The following RDH13 variants were observed in gnomAD, a reference collection of about 807,000 sequenced individuals.
RDH13 encodes the protein retinol dehydrogenase 13.
In RDH13, 35 loss-of-function variants were observed where a neutral mutation model predicts 28.3. The ratio of observed to expected loss-of-function variants is 1.24; its 90% confidence interval spans 0.95 to 1.64. The LOEUF is 1.64. Ranked by LOEUF, RDH13 falls within the 40% of genes most tolerant of loss-of-function variation. The pLI, the probability that RDH13 is intolerant of heterozygous loss-of-function variation, is 0.00. For missense variants in RDH13, 514 were observed against 446.3 expected, an observed-to-expected ratio of 1.15 and a Z score of -1.37; for synonymous variants, 229 against 198.5, an observed-to-expected ratio of 1.15 and a Z score of -1.29.
At chr19:55,064,654 C>T (rs1034031115), upstream of RDH13, among the ~76,000 whole-genome samples, 7 of 151,140 alleles carry the variant, frequency 4.6e-5, no homozygotes, top group East Asian at 2.0e-4. Flanking sequence ...CACTGTGTCA[C>T]CCAGGCTGGA....
downstream of RDH13, chr19:55,041,307 AAAATC>A (rs1329812564): frequency 6.6e-6 from 1 of 152,170 alleles, no homozygotes; most frequent in Non-Finnish European, 1.5e-5. Flanking sequence ...AGATACATAA[AAAATC>A]AAATGCAACA....
At chr19:55,056,473 T>TAAAG (rs1301938591) in intron 3 of RDH13, among the ~76,000 whole-genome samples, 180 bp downstream of exon 3, 4 of 150,770 alleles carry the variant, frequency 2.7e-5, no homozygotes, top group Non-Finnish European at 5.9e-5. Context: ...ACAGTAGTAA[T>TAAAG]AAATAAATAA....
upstream of RDH13, among the ~76,000 whole-genome samples, chr19:55,066,088 A>G (rs2075954048): frequency 1.3e-5 from 2 of 152,244 alleles, no homozygotes; most frequent in Non-Finnish European, 2.9e-5. Flanking sequence ...AGTAAGTGCC[A>G]GAACATTGCT....
At chr19:55,054,131 C>G (rs1390102418) in intron 3 of RDH13, among the ~76,000 whole-genome samples, 1 of 152,190 alleles carries the variant, frequency 6.6e-6, no homozygotes, top group Non-Finnish European at 1.5e-5. Flanking sequence ...AAGGACAGCT[C>G]TGGTTCATCT....
intron 1 of RDH13, among the ~76,000 whole-genome samples, chr19:55,059,778 G>C (rs994300513): frequency 2.6e-5 from 4 of 152,190 alleles, no homozygotes; most frequent in African/African-American, 4.8e-5. Context: ...CCTGTACTTT[G>C]AACAATTGCT....
rs2075278383 is a variant in RDH13, at chr19:55,047,500, A to T, written c.659-12T>A. 6.3e-7 allele frequency: 1 copy of T among 1,599,398 alleles called. No homozygotes were observed. ...AGTCACACCAGAGCCTGGGGAAGAA[A>T]GAAAGAGAAGACTGAGGGAGGGGTC... On this transcript the variant is annotated splice_polypyrimidine_tract_variant and intron_variant, in intron 5 of 6. Coordinates refer to ENST00000415061, the MANE Select transcript of RDH13 (RefSeq NM_001145971.2).
At chr19:55,058,118 C>T (rs1362838150) in intron 2 of RDH13, among the ~76,000 whole-genome samples, 1 of 151,890 alleles carries the variant, frequency 6.6e-6, no homozygotes, top group African/African-American at 2.4e-5. Flanking sequence ...GTATTAAAAA[C>T]ATTTATGGCT....
intron 3 of RDH13, among the ~76,000 whole-genome samples, chr19:55,056,373 G>A (rs943967900): frequency 2.0e-5 from 3 of 152,084 alleles, no homozygotes; most frequent in East Asian, 1.9e-4. Flanking sequence ...TGAGGTCCGC[G>A]CTTGAACCCA....
intron 3 of RDH13, among the ~76,000 whole-genome samples, chr19:55,051,533 C>T (rs570966695): frequency 8.0e-4 from 55 of 69,070 alleles, no homozygotes; most frequent in African/African-American, 2.3e-3. Flanking sequence ...TGGGTTCAGG[C>T]GATTCTGCTG....
chr19:55,066,216 G>C (rs886411236), upstream of RDH13, among the ~76,000 whole-genome samples: 3 of 152,152 alleles, frequency 2.0e-5, no homozygotes, highest in Non-Finnish European at 4.4e-5. Context: ...GACTCCAGGT[G>C]GGCTGTCCAC....
chr19:55,064,290 ACT>A (rs2075900238), upstream of RDH13: 5 of 151,850 alleles, frequency 3.3e-5, no homozygotes, highest in Non-Finnish European at 4.4e-5. Context: ...ATGTGGTGGC[ACT>A]CACCTGTAGT....
At chr19:55,043,760 T>C (rs2146974808), downstream of RDH13, among the ~76,000 whole-genome samples, 1 of 152,292 alleles carries the variant, frequency 6.6e-6, no homozygotes, top group South Asian at 2.1e-4. Context: ...TACTGAGCTT[T>C]TCGGTGCCTC....
upstream of RDH13, among the ~76,000 whole-genome samples, chr19:55,064,914 G>T (rs528736784): frequency 1.4e-5 from 2 of 145,182 alleles, no homozygotes; most frequent in South Asian, 2.2e-4. Context: ...CACCCGGCCG[G>T]GAAGCTGTTT....
At chr19:55,043,525 A>G (rs551829378), downstream of RDH13, among the ~76,000 whole-genome samples, 261 of 117,868 alleles carry the variant, frequency 2.2e-3, 2 homozygotes, top group African/African-American at 7.2e-3. Context: ...TTAATTAGCC[A>G]GGTGTGGTGG....
At chr19:55,064,071 C>T (rs988881377), upstream of RDH13, 3 of 152,188 alleles carry the variant, frequency 2.0e-5, no homozygotes, top group East Asian at 1.9e-4. Context: ...GAACTGTCAT[C>T]TTCTTATATG....
In RDH13 at chr19:55,057,493, C is replaced by T. The variant is rs376195289; in HGVS notation, c.185-685G>A. ...TGTCACCCAGGCTGGAGTGCGGTGG[C>T]GCAATCTCGGCTCACTGCAACCTCC... is the stretch of plus-strand genomic sequence containing the variant. On this transcript the variant is annotated intron_variant, in intron 2 of 6. Transcript: ENST00000415061. 6.0e-5 allele frequency among the ~76,000 whole-genome samples: 9 copies of T among 149,506 alleles called. 1 individual carries two copies. In the South Asian group the frequency reaches 1.7e-3, roughly 28 times the overall value.
chr19:55,047,874 ATGCTGTGGG>A, intron 5 of RDH13: 1 of 484,482 alleles, frequency 2.1e-6, no homozygotes, highest in Non-Finnish European at 3.7e-6. Flanking sequence ...AGCACTGTGG[ATGCTGTGGG>A]TTGGGAGGAG....
At chr19:55,066,827 G>T (rs1654463), upstream of RDH13, among the ~76,000 whole-genome samples, 110,148 of 151,544 alleles carry the variant, frequency 0.73, 40,228 homozygotes, top group African/African-American at 0.75. Flanking sequence ...GCGACCCTGT[G>T]GCTGTGTAGA....
chr19:55,045,256 TGCTGG>T lies in RDH13; in HGVS notation c.809_813del (p.Pro270HisfsTer30), dbSNP rs1016032334. On this transcript the variant is annotated frameshift_variant, in exon 7 of 7. Coordinates refer to ENST00000415061, the MANE Select transcript of RDH13 (RefSeq NM_001145971.2). LOFTEE classifies it high-confidence loss of function. ...AGTTCCTCCGCCACGGCCAGGTATGTGCTGGGCTGGGCGGCCAGCTCGGGGCTCTT... is the reference window on the plus strand; with the variant it reads ...AGTTCCTCCGCCACGGCCAGGTATGTGCTGGGCGGCCAGCTCGGGGCTCTT... 9.9e-6 allele frequency: 16 copies of T among 1,613,286 alleles called. No homozygotes were observed. In the African/African-American group the frequency reaches 1.5e-4, roughly 15 times the overall value.
Sources: allele counts gnomAD v4.1 joint callset (sites outside exome capture counted in the v4.1 genomes callset), GRCh38; gene constraint gnomAD v4.1.1; transcripts MANE v1.5; gene names NCBI Gene and HGNC (gene_info 2026-07-23, HGNC 2026-07-21).